CYP39A1: variants seen among roughly 807,000 people sequenced by gnomAD.
The protein encoded by CYP39A1 is 24-hydroxycholesterol 7-alpha-hydroxylase.
CYP39A1 carries 49 observed loss-of-function variants against 58.1 expected under a neutral mutation model. The observed-to-expected ratio is 0.84, with a 90% CI of 0.67 to 1.07. The LOEUF is 1.07. Among genes scored for constraint, CYP39A1 ranks in the 50% least tolerant of loss-of-function variants. CYP39A1 has a pLI of 0.00. For synonymous variants in CYP39A1, 209 were observed against 187.6 expected (o/e 1.11, Z -0.93); for missense variants, 531 against 539.4 (o/e 0.98, Z 0.16).
At chr6:46,584,556 T>G (rs1223149561) in intron 10 of CYP39A1, among the ~76,000 whole-genome samples, 1 of 152,184 alleles carries the variant, frequency 6.6e-6, no homozygotes, top group African/African-American at 2.4e-5. Context: ...TAAGTCATGC[T>G]TCACATGAAT....
chr6:46,648,940 A>G (rs1762502636), intron 1 of CYP39A1, among the ~76,000 whole-genome samples: 1 of 152,226 alleles, frequency 6.6e-6, no homozygotes, highest in Admixed American at 6.5e-5. Context: ...TCAATGTCTC[A>G]TGCTTAAAAA....
chr6:46,550,316 G>T lies in CYP39A1; in HGVS notation c.*50C>A. The T allele has an allele frequency of 6.6e-7, 1 of 1,505,822 alleles. No homozygotes were observed. Among genetic ancestry groups the T allele is most frequent in the Non-Finnish European group, 9.2e-7 (1 of 1,088,950 alleles). 93.3% of individuals were successfully genotyped at this position (1,505,822 alleles called of 1,614,324 possible). On this transcript the variant is annotated 3_prime_UTR_variant, in exon 12 of 12. Transcript: ENST00000275016. ...TCAGGTCTAGGTGCTGCCAGGTGGG[G>T]TAGTGCCACTCCTCCAGAAGGCCCT...
chr6:46,642,143 T>C lies in CYP39A1; in HGVS notation c.313+20A>G, dbSNP rs1265790199. On this transcript the variant is annotated intron_variant, in intron 2 of 11. Coordinates refer to ENST00000275016, the MANE Select transcript of CYP39A1 (RefSeq NM_016593.5). ...TTCCAATGTTGGATTTCGAATGGACTATCTGAAAATATTCTTTACCTGTAC... is the reference window on the plus strand; with the variant it reads ...TTCCAATGTTGGATTTCGAATGGACCATCTGAAAATATTCTTTACCTGTAC... The C allele has an allele frequency of 6.2e-7, 1 of 1,611,650 alleles. No homozygotes were observed. The highest frequency in any genetic ancestry group is 8.5e-7 in the Non-Finnish European group (1 of 1,178,576).
At chr6:46,586,755 T>C (rs1236307128) in intron 10 of CYP39A1, among the ~76,000 whole-genome samples, 1 of 152,140 alleles carries the variant, frequency 6.6e-6, no homozygotes, top group Non-Finnish European at 1.5e-5. Flanking sequence ...AATTCTATCT[T>C]TGTTTTTAAA....
In CYP39A1 at chr6:46,587,115, G is replaced by A; in HGVS notation, c.1212C>T (p.Phe404=). 4 of 1,612,192 alleles carry A rather than the reference G, an allele frequency of 2.5e-6. No individual in the cohort carries two copies. Among genetic ancestry groups the A allele is most frequent in the Non-Finnish European group, 2.5e-6 (3 of 1,179,168 alleles). Residue 404 remains phenylalanine (F), a synonymous_variant, in exon 10 of 12, where the codon TTC becomes TTT. Transcript: ENST00000275016. ...GGAACTTCCCGCTTCCAAATGCCAT[G>A]AAGCAGTCCAAGAAAGAGTGCTTCT... ...NLEKHSFLDC[F]MAFGSGKFQC...
intron 4 of CYP39A1, 148 bp downstream of exon 4, chr6:46,637,681 A>G (rs1053176621): frequency 2.7e-6 from 2 of 750,800 alleles, no homozygotes; most frequent in Non-Finnish European, 4.3e-6. Flanking sequence ...TTCAATTCAC[A>G]TACAGACACC....
chr6:46,605,390 A>C (rs1773779023), intron 7 of CYP39A1, among the ~76,000 whole-genome samples: 1 of 152,188 alleles, frequency 6.6e-6, no homozygotes, highest in African/African-American at 2.4e-5. Flanking sequence ...TAGAGTGTCA[A>C]GGAAAATTCT....
intron 10 of CYP39A1, among the ~76,000 whole-genome samples, chr6:46,585,559 ATGT>A (rs1772426845): frequency 6.6e-6 from 1 of 152,182 alleles, no homozygotes; most frequent in East Asian, 1.9e-4. Context: ...TTTGTTGCTA[ATGT>A]TGTTGTGTGT....
rs1186594398 is a variant in CYP39A1, at chr6:46,557,933, CAAAAA to C, written c.1251-4084_1251-4080del. The stretch of plus-strand genomic sequence containing the variant: ...CCTGGGAGACAGCAAGACTCCATCT[CAAAAA>C]AAAAAAAAAAAAAAAAGAAAAAAAG... On this transcript the variant is annotated intron_variant, in intron 10 of 11. Coordinates refer to ENST00000275016, the MANE Select transcript of CYP39A1 (RefSeq NM_016593.5). Among the ~76,000 whole-genome samples the C allele has an allele frequency of 8.0e-5, 3 of 37,642 alleles. No homozygotes were observed. In the Admixed American group the frequency reaches 8.9e-4, roughly 11 times the overall value. 24.7% of individuals were successfully genotyped at this position (37,642 alleles called of 152,430 possible). A position where few individuals can be genotyped will look rare whatever the true frequency, so the allele number is the denominator to read the frequency against.
chr6:46,560,805 G>A (rs905611693), intron 10 of CYP39A1, among the ~76,000 whole-genome samples: 1 of 152,094 alleles, frequency 6.6e-6, no homozygotes, highest in African/African-American at 2.4e-5. Context: ...AGGAGCCCTG[G>A]GGTAATCCAA....
chr6:46,647,836 G>A (rs969768797), intron 1 of CYP39A1, among the ~76,000 whole-genome samples: 4 of 151,808 alleles, frequency 2.6e-5, no homozygotes, highest in Non-Finnish European at 5.9e-5. Flanking sequence ...TTTTTTTCTT[G>A]TAAATTTGTT....
At chr6:46,556,959 T>C (rs1467134765) in intron 10 of CYP39A1, among the ~76,000 whole-genome samples, 3 of 152,022 alleles carry the variant, frequency 2.0e-5, no homozygotes, top group Admixed American at 2.0e-4. Flanking sequence ...ACTCCACAGG[T>C]TCATAAAGGT....
At chr6:46,550,461 A>G (rs770332993) in intron 11 of CYP39A1, 24 bp from the exon 12 acceptor site, 1 of 1,599,960 alleles carries the variant, frequency 6.3e-7, no homozygotes, top group Admixed American at 1.7e-5. Context: ...TGCAGAAGAA[A>G]TAGAAATTAA....
At chr6:46,611,357 G>T (rs943304771) in intron 7 of CYP39A1, among the ~76,000 whole-genome samples, 1 of 152,236 alleles carries the variant, frequency 6.6e-6, no homozygotes, top group African/African-American at 2.4e-5. Flanking sequence ...TAACAATGGA[G>T]TGCGAAAGAT....
chr6:46,577,800 A>G (rs1771920074), intron 10 of CYP39A1, among the ~76,000 whole-genome samples: 1 of 152,118 alleles, frequency 6.6e-6, no homozygotes, highest in Non-Finnish European at 1.5e-5. Flanking sequence ...AGAGGCTTAT[A>G]TTGATACTTA....
At chr6:46,600,278 C>T (rs1377844533) in intron 7 of CYP39A1, among the ~76,000 whole-genome samples, 1 of 151,996 alleles carries the variant, frequency 6.6e-6, no homozygotes, top group Non-Finnish European at 1.5e-5. Flanking sequence ...TGCCACTACA[C>T]CCAGCTATTT....
chr6:46,623,967 G>C (rs1443031785), intron 7 of CYP39A1, among the ~76,000 whole-genome samples: 2 of 151,088 alleles, frequency 1.3e-5, no homozygotes, highest in Admixed American at 6.6e-5. Flanking sequence ...TGCAGTGGTA[G>C]TACTATTCGA....
intron 10 of CYP39A1, among the ~76,000 whole-genome samples, chr6:46,559,374 C>T (rs1770845054): frequency 6.6e-6 from 1 of 152,150 alleles, no homozygotes; most frequent in African/African-American, 2.4e-5. Context: ...CATGTAAAGG[C>T]ATATAAGGTT....
chr6:46,617,318 A>T (rs995521903), intron 7 of CYP39A1, among the ~76,000 whole-genome samples: 1 of 152,208 alleles, frequency 6.6e-6, no homozygotes, highest in Non-Finnish European at 1.5e-5. Flanking sequence ...TCAGTGTTAT[A>T]AATGTTAATA....
Sources: allele counts gnomAD v4.1 joint callset (sites outside exome capture counted in the v4.1 genomes callset), GRCh38; gene constraint gnomAD v4.1.1; transcripts MANE v1.5; gene names NCBI Gene and HGNC (gene_info 2026-07-23, HGNC 2026-07-21).